Variants in CPAMD8 observed in about 807,000 individuals in gnomAD.
CPAMD8 encodes C3 and PZP like alpha-2-macroglobulin domain containing 8.
CPAMD8 carries 146 observed loss-of-function variants against 224.7 expected under a neutral mutation model. The ratio of observed to expected loss-of-function variants is 0.65; its 90% confidence interval spans 0.57 to 0.75. CPAMD8 has a LOEUF of 0.75. Ranked by LOEUF, CPAMD8 falls within the 30% of genes least tolerant of loss-of-function variation. CPAMD8 has a pLI of 0.00. For synonymous variants in CPAMD8, 966 were observed against 1,044.6 expected (o/e 0.92, Z 1.45); for missense variants, 2,301 against 2,537.5 (o/e 0.91, Z 2.00).
At chr19:16,986,881 C>T (rs1289722319) in intron 13 of CPAMD8, among the ~76,000 whole-genome samples, 3 of 151,816 alleles carry the variant, frequency 2.0e-5, no homozygotes, top group Non-Finnish European at 4.4e-5. Context: ...TATGGCCAGG[C>T]GCGGTGGCTC....
chr19:16,992,910 A>G (rs2056002963), intron 12 of CPAMD8, among the ~76,000 whole-genome samples: 1 of 151,728 alleles, frequency 6.6e-6, no homozygotes, highest in Non-Finnish European at 1.5e-5. Context: ...CAGCCTGGGC[A>G]ACAGAGCGAG....
At chr19:16,893,816 C>T (rs913360915) in intron 41 of CPAMD8, 1 of 160,226 alleles carries the variant, frequency 6.2e-6, no homozygotes, top group African/African-American at 2.4e-5. Flanking sequence ...CCCGCAGGGC[C>T]TTGTGATGTG....
At chr19:16,992,368 T>C (rs879918589) in intron 12 of CPAMD8, among the ~76,000 whole-genome samples, 4 of 152,166 alleles carry the variant, frequency 2.6e-5, no homozygotes, top group Non-Finnish European at 4.4e-5. Context: ...GGTGGAAGGA[T>C]GGCTTGAGTC....
At chr19:16,933,257 A>C (rs897053143) in intron 23 of CPAMD8, among the ~76,000 whole-genome samples, 2 of 152,206 alleles carry the variant, frequency 1.3e-5, no homozygotes, top group Non-Finnish European at 2.9e-5. Context: ...TTGAGAAAAA[A>C]AAAACAGGGT....
At chr19:16,982,564 G>A (rs1214946518) in intron 13 of CPAMD8, among the ~76,000 whole-genome samples, 2 of 152,104 alleles carry the variant, frequency 1.3e-5, no homozygotes, top group Non-Finnish European at 2.9e-5. Context: ...GCTGAGTGTG[G>A]TGGCTCATGC....
chr19:16,990,666 C>T (rs879833117), intron 12 of CPAMD8, among the ~76,000 whole-genome samples: 4 of 151,794 alleles, frequency 2.6e-5, no homozygotes, highest in Non-Finnish European at 4.4e-5. Context: ...AGATCGAGAC[C>T]ATCCTGGCCA....
Position 16,928,057 on chromosome 19 carries a change from G to A in CPAMD8, c.3322C>T (p.Pro1108Ser). The change falls in exon 25 of 42, where the codon CCA (proline) becomes TCA (serine). Residue 1108 changes from proline (P) to serine (S), a missense_variant. Transcript: ENST00000443236. ...SYSEAFTLGV[P>S]HGAIPGSERA... The stretch of plus-strand genomic sequence containing the variant: ...TCAGACCCAGGGATGGCGCCGTGTG[G>A]GACCCCCAGGGTGAAGGCCTCGCTG... 3 of 1,613,940 alleles carry A rather than the reference G, an allele frequency of 1.9e-6. No homozygotes were observed. Among genetic ancestry groups the A allele is most frequent in the Non-Finnish European group, 2.5e-6 (3 of 1,179,958 alleles).
chr19:16,904,653 G>T, intron 30 of CPAMD8, 101 bp from the exon 31 acceptor site: 1 of 808,788 alleles, frequency 1.2e-6, no homozygotes, highest in Non-Finnish European at 2.2e-6. Context: ...AAGGTATTGT[G>T]GGACCCCAGT....
intron 5 of CPAMD8, among the ~76,000 whole-genome samples, chr19:17,011,028 A>C (rs2056630598): frequency 6.7e-6 from 1 of 150,182 alleles, no homozygotes; most frequent in Non-Finnish European, 1.5e-5. Flanking sequence ...ATCTCAAAAA[A>C]AAAACAGAAA....
intron 10 of CPAMD8, among the ~76,000 whole-genome samples, chr19:16,999,350 G>A (rs1489036401): frequency 1.3e-5 from 2 of 152,014 alleles, no homozygotes; most frequent in Admixed American, 6.6e-5. Flanking sequence ...GGAGGCCGAG[G>A]CAGGTGGATC....
At chr19:16,908,204 C>T (rs576318527) in intron 29 of CPAMD8, among the ~76,000 whole-genome samples, 34 of 152,054 alleles carry the variant, frequency 2.2e-4, no homozygotes, top group African/African-American at 7.5e-4. Context: ...ATTAAAAATA[C>T]AAAAATTAGC....
chr19:16,991,834 G>A (rs1246564365), intron 12 of CPAMD8, among the ~76,000 whole-genome samples: 5 of 147,496 alleles, frequency 3.4e-5, no homozygotes, highest in Non-Finnish European at 7.5e-5. Context: ...CAGCTTGGGC[G>A]ACAGAGCAAG....
At chr19:16,905,332 C>A (rs1177870602) in intron 30 of CPAMD8, among the ~76,000 whole-genome samples, 1 of 151,364 alleles carries the variant, frequency 6.6e-6, no homozygotes, top group African/African-American at 2.4e-5. Flanking sequence ...GTAATCCCAG[C>A]ACTTTGGGAG....
chr19:16,966,006 T>C (rs2054815525), intron 18 of CPAMD8, among the ~76,000 whole-genome samples: 17 of 152,252 alleles, frequency 1.1e-4, no homozygotes, highest in Admixed American at 9.8e-4. Context: ...AAAGTTCATA[T>C]GGAACCAAAA....
chr19:16,934,480 C>T (rs975315220), intron 23 of CPAMD8, among the ~76,000 whole-genome samples: 4 of 152,038 alleles, frequency 2.6e-5, no homozygotes, highest in Non-Finnish European at 5.9e-5. Context: ...TTCTAAAATG[C>T]TCCATAATGG....
At position 16,996,978 on chromosome 19, in the gene CPAMD8, C is replaced by T. The variant is rs891123562; in HGVS notation, c.1095+133G>A. On this transcript the variant is annotated intron_variant, in intron 11 of 41. Coordinates refer to ENST00000443236, the MANE Select transcript of CPAMD8 (RefSeq NM_015692.5). ...CCTGCCCCTCACCTGGAACACCAGC[C>T]CTCTCCACTCTCCGCAAAGGTTATG... The T allele has an allele frequency of 3.2e-5, 21 of 659,762 alleles. No individual in the cohort carries two copies. The East Asian group carries it at 3.5e-4, about 11-fold the overall frequency. 40.9% of individuals were successfully genotyped at this position (659,762 alleles called of 1,614,324 possible).
chr19:16,933,250 A>AG (rs941059753), intron 23 of CPAMD8, among the ~76,000 whole-genome samples: 1 of 151,422 alleles, frequency 6.6e-6, no homozygotes, highest in African/African-American at 2.5e-5. Context: ...CAAAATTTTG[A>AG]GAAAAAAAAA....
intron 39 of CPAMD8, chr19:16,897,324 C>A (rs2052058271): frequency 1.3e-5 from 3 of 236,130 alleles, no homozygotes; most frequent in Non-Finnish European, 2.3e-5. Context: ...CCTCCGCACT[C>A]ACCTCCCCCT....
At chr19:16,905,104 G>A (rs934790631) in intron 30 of CPAMD8, among the ~76,000 whole-genome samples, 15 of 151,850 alleles carry the variant, frequency 9.9e-5, no homozygotes, top group African/African-American at 3.6e-4. Context: ...AGCTGTGTGT[G>A]GTGGTGCACA....
Sources: allele counts gnomAD v4.1 joint callset (sites outside exome capture counted in the v4.1 genomes callset), GRCh38; gene constraint gnomAD v4.1.1; transcripts MANE v1.5; gene names NCBI Gene and HGNC (gene_info 2026-07-23, HGNC 2026-07-21).